The following EIF4E3 variants were observed in gnomAD, a reference collection of about 807,000 sequenced individuals.
EIF4E3 encodes eukaryotic translation initiation factor 4E type 3.
EIF4E3 carries 26 observed loss-of-function variants against 31.7 expected under a neutral mutation model. That is an observed-to-expected ratio of 0.82 (90% CI 0.60 to 1.14). The LOEUF is 1.14. EIF4E3 is among the 50% of genes most tolerant of loss of function. EIF4E3 has a pLI of 0.00. For missense variants in EIF4E3, 304 were observed against 270.9 expected, an observed-to-expected ratio of 1.12 and a Z score of -0.86; for synonymous variants, 128 against 107.7, an observed-to-expected ratio of 1.19 and a Z score of -1.17.
At chr3:71,687,665 CTG>C (rs1465638743) in intron 6 of EIF4E3, among the ~76,000 whole-genome samples, 10 of 152,154 alleles carry the variant, frequency 6.6e-5, no homozygotes, top group African/African-American at 2.4e-4. Context: ...TGAGTGGAGT[CTG>C]TGCATTGTGA....
At chr3:71,740,621 C>G (rs2108150387) in intron 1 of EIF4E3, among the ~76,000 whole-genome samples, 1 of 152,260 alleles carries the variant, frequency 6.6e-6, no homozygotes, top group South Asian at 2.1e-4. Context: ...GTAGTCCCAG[C>G]TACTTGGGAG....
Position 71,675,481 on chromosome 3 carries a change from A to G in EIF4E3, c.*9201T>C, listed in dbSNP as rs1293180601. 1 of 152,198 alleles carries G rather than the reference A, an allele frequency of 6.6e-6. No individual in the cohort carries two copies. Among genetic ancestry groups the G allele is most frequent in the Non-Finnish European group, 1.5e-5 (1 of 68,020 alleles). The allele number at this position is 152,198 out of a possible 1,614,324, so 9.4% of individuals were successfully genotyped here. Reference sequence around the variant, plus strand: ...AATAAGCAAGTAGATGGTGTGTCCTAGCTATAAACTGGTTTTAAGACAAAT... The same window carrying G: ...AATAAGCAAGTAGATGGTGTGTCCTGGCTATAAACTGGTTTTAAGACAAAT... On this transcript the variant is annotated 3_prime_UTR_variant, in exon 7 of 7. Coordinates refer to ENST00000425534, the MANE Select transcript of EIF4E3 (RefSeq NM_001134651.2).
chr3:71,739,565 C>T (rs570396805), intron 1 of EIF4E3, among the ~76,000 whole-genome samples: 106 of 152,030 alleles, frequency 7.0e-4, no homozygotes, highest in African/African-American at 2.4e-3. Flanking sequence ...GGTGTGGTGG[C>T]GCATGGCTGT....
chr3:71,695,261 G>C (rs2049120490), intron 4 of EIF4E3, among the ~76,000 whole-genome samples: 1 of 152,152 alleles, frequency 6.6e-6, no homozygotes, highest in Non-Finnish European at 1.5e-5. Context: ...TGGCCCACAA[G>C]ACTCCCACTG....
At chr3:71,742,169 A>G (rs2049827422) in intron 1 of EIF4E3, among the ~76,000 whole-genome samples, 1 of 152,158 alleles carries the variant, frequency 6.6e-6, no homozygotes, top group Admixed American at 6.5e-5. Context: ...AATCAATGAA[A>G]TAGAAAACAG....
At chr3:71,721,521 T>A (rs773768254) in intron 1 of EIF4E3, among the ~76,000 whole-genome samples, 6 of 152,168 alleles carry the variant, frequency 3.9e-5, no homozygotes, top group Non-Finnish European at 8.8e-5. Context: ...TCCCCATATA[T>A]GTCAAGGGCA....
At chr3:71,667,809 G>C in the EIF4E3 span, among the ~76,000 whole-genome samples, 1 of 152,180 alleles carries the variant, frequency 6.6e-6, no homozygotes, top group African/African-American at 2.4e-5. Context: ...AATCAATATA[G>C]TGAAAATGGC....
At chr3:71,686,688 G>A (rs1044822015) in intron 6 of EIF4E3, among the ~76,000 whole-genome samples, 2 of 152,124 alleles carry the variant, frequency 1.3e-5, no homozygotes, top group East Asian at 3.9e-4. Context: ...TAGAACTACA[G>A]TGACCTGGTT....
chr3:71,719,660 C>T lies in EIF4E3; in HGVS notation c.176+5532G>A, dbSNP rs188192782. ...TCCAAGGAAAGGGCCAGTAGTCTGACGTGACCAGGAAGAGTGGACAGACTG... is the reference window on the plus strand; with the variant it reads ...TCCAAGGAAAGGGCCAGTAGTCTGATGTGACCAGGAAGAGTGGACAGACTG... On this transcript the variant is annotated intron_variant, in intron 1 of 6. Coordinates refer to ENST00000425534, the MANE Select transcript of EIF4E3 (RefSeq NM_001134651.2). Among the ~76,000 whole-genome samples, 402 of 152,186 alleles carry T rather than the reference C, an allele frequency of 2.6e-3. 3 individuals carry two copies. The highest frequency in any genetic ancestry group is 8.2e-3 in the African/African-American group (342 of 41,512).
the EIF4E3 span, among the ~76,000 whole-genome samples, chr3:71,667,750 G>C: frequency 2.1e-4 from 32 of 152,242 alleles, 1 homozygote; most frequent in Middle Eastern, 3.4e-3. Context: ...AAGGAAATAA[G>C]AGAGCACACA....
chr3:71,695,477 C>T (rs1338550851), intron 4 of EIF4E3, among the ~76,000 whole-genome samples: 3 of 152,146 alleles, frequency 2.0e-5, no homozygotes, highest in Admixed American at 1.3e-4. Flanking sequence ...AAATAAAGAA[C>T]ATGGAAAGGC....
rs903724512 is a variant in EIF4E3, at chr3:71,737,613, C to T, written c.-290-8990G>A. ...CTGCTACAGTGCAGAAAAAAAGACA[C>T]ATTTTATACAGAGGAACAAAATAAG... is the stretch of plus-strand genomic sequence containing the variant. On this transcript the variant is annotated intron_variant, in intron 1 of 7. Coordinates refer to the EIF4E3 transcript ENST00000295612. 4.6e-5 allele frequency among the ~76,000 whole-genome samples: 7 copies of T among 152,052 alleles called. 1 individual carries two copies. The highest frequency in any genetic ancestry group is 3.2e-3 in the Middle Eastern group (1 of 316).
intron 1 of EIF4E3, among the ~76,000 whole-genome samples, chr3:71,710,869 C>A (rs545006438): frequency 7.4e-4 from 112 of 152,288 alleles, no homozygotes; most frequent in African/African-American, 2.6e-3. Context: ...AATGCAGTGT[C>A]CTGGCCTGGT....
At chr3:71,710,304 A>G in intron 2 of EIF4E3, 108 bp downstream of exon 2, 4 of 1,288,056 alleles carry the variant, frequency 3.1e-6, no homozygotes, top group African/African-American at 1.5e-5. Flanking sequence ...CCAACTCCAG[A>G]GCAGAACCCT....
chr3:71,690,183 A>G lies in EIF4E3; in HGVS notation c.473-18T>C. The G allele has an allele frequency of 6.7e-6, 10 of 1,500,124 alleles. No homozygotes were observed. Among genetic ancestry groups the G allele is most frequent in the Non-Finnish European group, 9.0e-6 (10 of 1,105,204 alleles). The allele number at this position is 1,500,124 out of a possible 1,614,324, so 92.9% of individuals were successfully genotyped here. On this transcript the variant is annotated intron_variant, in intron 5 of 6. Coordinates refer to ENST00000425534, the MANE Select transcript of EIF4E3 (RefSeq NM_001134651.2). ...TTCATCATCTGAGGGGAAGACAGGA[A>G]AAAAAAAAAATGAGTGATACTTCCA...
At chr3:71,718,868 C>G (rs921063749) in intron 1 of EIF4E3, among the ~76,000 whole-genome samples, 6 of 152,120 alleles carry the variant, frequency 3.9e-5, no homozygotes, top group African/African-American at 1.4e-4. Context: ...AATCCTGGGC[C>G]ATTTAGAGTT....
upstream of EIF4E3, chr3:71,753,656 GGCGGCGGCGGCGGCAGCGGCGGCA>G (rs1344602085): frequency 2.3e-4 from 34 of 148,680 alleles, no homozygotes; most frequent in South Asian, 3.5e-4. Flanking sequence ...CCGCGGCGGC[GGCGGCGGCGGCGGCAGCGGCGGCA>G]GCGGCGGCGG....
At chr3:71,710,612 G>T in intron 1 of EIF4E3, 128 bp from the exon 2 acceptor site, 3 of 824,846 alleles carry the variant, frequency 3.6e-6, no homozygotes, top group East Asian at 2.9e-5. Context: ...GGACATTTTG[G>T]GGATGCTAGT....
intron 3 of EIF4E3, among the ~76,000 whole-genome samples, chr3:71,697,014 G>A (rs62246265): frequency 0.021 from 3,118 of 147,612 alleles, 58 homozygotes; most frequent in Non-Finnish European, 0.031. Context: ...CACCGCACCC[G>A]GCCCCTGAAT....
Sources: allele counts gnomAD v4.1 joint callset (sites outside exome capture counted in the v4.1 genomes callset), GRCh38; gene constraint gnomAD v4.1.1; transcripts MANE v1.5; gene names NCBI Gene and HGNC (gene_info 2026-07-23, HGNC 2026-07-21).